Variants in ARMH4 observed in about 807,000 individuals in gnomAD.
The protein encoded by ARMH4 is armadillo like helical domain containing 4.
In ARMH4, 49 loss-of-function variants were observed where a neutral mutation model predicts 61.9. The ratio of observed to expected loss-of-function variants is 0.79; its 90% CI spans 0.63 to 1.00. ARMH4 has a LOEUF of 1.00. Ranked by LOEUF, ARMH4 falls within the 50% of genes least tolerant of loss-of-function variation. The pLI is 0.00. For synonymous variants in ARMH4, 368 were observed against 341.5 expected (o/e 1.08, Z -0.85); for missense variants, 934 against 930.0 (o/e 1.00, Z -0.06).
At chr14:58,101,371 G>A (rs1056674732) in intron 4 of ARMH4, 1 of 152,284 alleles carries the variant, frequency 6.6e-6, no homozygotes, top group African/African-American at 2.4e-5. Context: ...GAAAGCAGAA[G>A]ACAGTTCAAA....
At chr14:58,127,454 G>C (rs1010349450) in intron 4 of ARMH4, among the ~76,000 whole-genome samples, 5 of 152,128 alleles carry the variant, frequency 3.3e-5, no homozygotes, top group African/African-American at 1.2e-4. Context: ...CGCCATGATT[G>C]TGAGGCCTCC....
At chr14:58,126,959 T>C (rs1383645469) in intron 4 of ARMH4, among the ~76,000 whole-genome samples, 1 of 151,926 alleles carries the variant, frequency 6.6e-6, no homozygotes, top group East Asian at 1.9e-4. Flanking sequence ...TGTGCTACCA[T>C]GCCTGGCTAA....
chr14:58,005,189 A>C lies in ARMH4; in HGVS notation c.2122-7T>G. 6.2e-7 allele frequency: 1 copy of C among 1,613,874 alleles called. No individual in the cohort carries two copies. The highest frequency in any genetic ancestry group is 8.5e-7 in the Non-Finnish European group (1 of 1,179,866). On this transcript the variant is annotated splice_region_variant and splice_polypyrimidine_tract_variant and intron_variant, in intron 6 of 7. Transcript: ENST00000267485. ...TCCCAGACATGTAACCAGCCTGCATAGAAAAGGAAACACACATTAGGATGC... is the reference window on the plus strand; with the variant it reads ...TCCCAGACATGTAACCAGCCTGCATCGAAAAGGAAACACACATTAGGATGC...
chr14:58,009,022 A>G (rs759723289), intron 6 of ARMH4, among the ~76,000 whole-genome samples: 2 of 152,242 alleles, frequency 1.3e-5, no homozygotes, highest in Non-Finnish European at 2.9e-5. Context: ...AGGATCACCA[A>G]CTTGGATTAG....
rs369753651 is a variant in ARMH4 at position 58,040,370 on chromosome 14, T to TG, written c.2090-28221dup. On this transcript the variant is annotated intron_variant, in intron 5 of 7. Coordinates refer to ENST00000267485, the MANE Select transcript of ARMH4 (RefSeq NM_001001872.4). ...TGTTGTTCCCCGCCATGTGTCCATGTGTTCTCATCATTTAGCTCCCACTTA... is the reference window on the plus strand; with the variant it reads ...TGTTGTTCCCCGCCATGTGTCCATGTGGTTCTCATCATTTAGCTCCCACTTA... Among the ~76,000 whole-genome samples the TG allele has an allele frequency of 1.6e-3, 240 of 152,256 alleles. 2 individuals are homozygous for TG. Among genetic ancestry groups the TG allele is most frequent in the African/African-American group, 5.6e-3 (232 of 41,560 alleles).
At chr14:58,105,454 G>A (rs2141278406) in intron 4 of ARMH4, among the ~76,000 whole-genome samples, 1 of 152,332 alleles carries the variant, frequency 6.6e-6, no homozygotes, top group Non-Finnish European at 1.5e-5. Context: ...GGGAGGCCGA[G>A]GCAGGTGGAT....
intron 5 of ARMH4, among the ~76,000 whole-genome samples, chr14:58,049,692 G>A (rs982413508): frequency 2.6e-5 from 4 of 151,994 alleles, no homozygotes; most frequent in African/African-American, 7.3e-5. Context: ...TGATGACAGA[G>A]GTGGCTGTCA....
At chr14:58,042,392 TA>T (rs1883756073) in intron 5 of ARMH4, among the ~76,000 whole-genome samples, 1 of 152,094 alleles carries the variant, frequency 6.6e-6, no homozygotes, top group Non-Finnish European at 1.5e-5. Context: ...AGATGTTCTT[TA>T]AAACCAATGA....
At chr14:58,145,630 A>C (rs2139998974) in intron 1 of ARMH4, among the ~76,000 whole-genome samples, 1 of 152,364 alleles carries the variant, frequency 6.6e-6, no homozygotes, top group African/African-American at 2.4e-5. Flanking sequence ...TTTTGCGTGA[A>C]GGGAATTCTG....
chr14:58,138,103 C>A lies in ARMH4; in HGVS notation c.1256G>T (p.Gly419Val), dbSNP rs142858496. ...TTCCTTGGTGGATTCCGTGAAGTCT[C>A]CCGTACTTTGGAGCAAGTTCACAAT... ...VSIVNLLQST[G>V]DFTESTKEND... The change falls in exon 2 of 8, where the codon GGA (glycine) becomes GTA (valine). Residue 419 changes from glycine (G) to valine (V), a missense_variant. Physicochemically the swap from Gly to Val is moderately radical, Grantham distance 109. Coordinates refer to ENST00000267485, the MANE Select transcript of ARMH4 (RefSeq NM_001001872.4). 20 of 1,614,090 alleles carry A rather than the reference C, an allele frequency of 1.2e-5. No homozygotes were observed. Among genetic ancestry groups the A allele is most frequent in the Non-Finnish European group, 1.5e-5 (18 of 1,180,054 alleles).
intron 1 of ARMH4, among the ~76,000 whole-genome samples, chr14:58,143,564 A>G (rs550861454): frequency 2.2e-4 from 33 of 152,240 alleles, no homozygotes; most frequent in Admixed American, 3.9e-4. Flanking sequence ...CCCAGGTTCA[A>G]GTGATTCTCC....
At chr14:58,025,880 C>T (rs117353316) in intron 5 of ARMH4, among the ~76,000 whole-genome samples, 2,364 of 152,182 alleles carry the variant, frequency 0.016, 32 homozygotes, top group Non-Finnish European at 0.023. Context: ...GCTAAGTGAA[C>T]ATTAATCGTC....
chr14:58,145,626 G>A (rs531476009), intron 1 of ARMH4, among the ~76,000 whole-genome samples: 6 of 152,282 alleles, frequency 3.9e-5, no homozygotes, highest in South Asian at 2.1e-4. Flanking sequence ...GAATTTTTGC[G>A]TGAAGGGAAT....
At chr14:58,150,493 T>A (rs1013787041) in intron 1 of ARMH4, among the ~76,000 whole-genome samples, 1 of 152,228 alleles carries the variant, frequency 6.6e-6, no homozygotes, top group Non-Finnish European at 1.5e-5. Flanking sequence ...TTCCTCATTT[T>A]GATTCTACAC....
chr14:58,090,447 C>A (rs1885518505), intron 5 of ARMH4, among the ~76,000 whole-genome samples: 1 of 152,130 alleles, frequency 6.6e-6, no homozygotes, highest in East Asian at 1.9e-4. Context: ...CCTCTGGCTC[C>A]ATCCATTCCA....
chr14:58,137,917 A>G (rs1052643898), intron 2 of ARMH4, 73 bp downstream of exon 2: 1 of 1,419,612 alleles, frequency 7.0e-7, no homozygotes, highest in Non-Finnish European at 9.5e-7. Flanking sequence ...ACCTATTTCT[A>G]AATTGCCATT....
At chr14:58,027,796 G>A (rs954195389) in intron 5 of ARMH4, among the ~76,000 whole-genome samples, 6 of 152,136 alleles carry the variant, frequency 3.9e-5, no homozygotes, top group Admixed American at 1.3e-4. Flanking sequence ...AGTTTCAGGG[G>A]TGTATACTTG....
chr14:58,113,554 G>T (rs1886421317), intron 4 of ARMH4, among the ~76,000 whole-genome samples: 1 of 151,934 alleles, frequency 6.6e-6, no homozygotes, highest in Admixed American at 6.6e-5. Context: ...AAAATTTTCA[G>T]CCATTACCAC....
chr14:58,069,650 G>A (rs929203632), intron 5 of ARMH4, among the ~76,000 whole-genome samples: 2 of 152,094 alleles, frequency 1.3e-5, no homozygotes, highest in Non-Finnish European at 2.9e-5. Context: ...GTATGCAGAC[G>A]GCAAGAGAAG....
Sources: gnomAD v4.1 joint callset for allele counts (sites outside exome capture counted in the v4.1 genomes callset) on GRCh38, gnomAD v4.1.1 for gene constraint, MANE v1.5 for transcripts, NCBI Gene and HGNC (gene_info 2026-07-23, HGNC 2026-07-21) for gene names.